Variants in LRRC7 observed in about 807,000 individuals in gnomAD.
LRRC7 encodes the protein leucine-rich repeat-containing protein 7.
LRRC7 carries 23 observed loss-of-function variants against 175.7 expected under a neutral mutation model. The ratio of observed to expected loss-of-function variants is 0.13; its 90% CI spans 0.09 to 0.19. The LOEUF is 0.19. Among genes scored for constraint, LRRC7 ranks in the 10% least tolerant of loss-of-function variants. The probability of loss-of-function intolerance (pLI) is 1.00; values close to 1 mark genes in which losing one functional copy is unlikely to be tolerated. For missense variants in LRRC7, 1,354 were observed against 1,904.7 expected (o/e 0.71, Z 5.38); for synonymous variants, 685 against 680.9 (o/e 1.01, Z -0.09).
At position 69,760,237 on chromosome 1, in the gene LRRC7, G is replaced by A. The variant is rs1287913483; in HGVS notation, c.147G>A (p.Leu49=). 6.2e-7 allele frequency: 1 copy of A among 1,612,742 alleles called. No homozygotes were observed. Among genetic ancestry groups the A allele is most frequent in the Admixed American group, 1.7e-5 (1 of 59,802 alleles). ...CCAAACGGAAAATCATCGGCCGTCT[G>A]GTGCCATGCCGATGTTTCCGAGGTG... is the stretch of plus-strand genomic sequence containing the variant. ...MTTKRKIIGR[L]VPCRCFRGEE... is the part of the protein sequence containing the mutation. The change falls in exon 3 of 27, where the codon CTG becomes CTA. Residue 49 remains leucine, a synonymous_variant. Transcript: ENST00000651989.
At position 69,845,881 on chromosome 1, in the gene LRRC7, C is replaced by T. The variant is rs140599065; in HGVS notation, c.647+7598C>T. Among the ~76,000 whole-genome samples the T allele has an allele frequency of 3.6e-3, 541 of 152,128 alleles. 3 individuals carry two copies. Among genetic ancestry groups the T allele is most frequent in the African/African-American group, 0.012 (484 of 41,538 alleles). ...GTGATTGTGTAATCATATTACCTTA[C>T]GCTTTTACCAATTTATATCAATTTA... On this transcript the variant is annotated intron_variant, in intron 7 of 26. Transcript: ENST00000651989.
chr1:69,827,399 C>A (rs1680042212), intron 5 of LRRC7, among the ~76,000 whole-genome samples: 1 of 152,026 alleles, frequency 6.6e-6, no homozygotes, highest in African/African-American at 2.4e-5. Flanking sequence ...ATATGTATAA[C>A]TTTTTAAAAG....
chr1:70,074,102 T>G (rs1350345788), intron 23 of LRRC7, among the ~76,000 whole-genome samples: 1 of 151,584 alleles, frequency 6.6e-6, no homozygotes. Context: ...CTTGGGAGGC[T>G]GAGGCAGGAG....
intron 2 of LRRC7, among the ~76,000 whole-genome samples, chr1:69,713,429 A>C (rs1170033005): frequency 6.6e-6 from 1 of 152,080 alleles, no homozygotes; most frequent in Admixed American, 6.6e-5. Context: ...TGGGAGGTCA[A>C]GGCCACCAGT....
intron 10 of LRRC7, among the ~76,000 whole-genome samples, chr1:69,989,633 A>G (rs536215004): frequency 2.1e-4 from 32 of 152,264 alleles, no homozygotes; most frequent in Non-Finnish European, 4.0e-4. Context: ...GCATTCTAAA[A>G]ATGAAAAAGC....
At chr1:69,756,975 G>A (rs1377162627) in intron 2 of LRRC7, among the ~76,000 whole-genome samples, 1 of 151,916 alleles carries the variant, frequency 6.6e-6, no homozygotes, top group Non-Finnish European at 1.5e-5. Context: ...TAGAAATTCA[G>A]GGGGAAAAAC....
intron 1 of LRRC7, among the ~76,000 whole-genome samples, chr1:69,599,417 G>T (rs897169152): frequency 2.0e-5 from 3 of 152,042 alleles, no homozygotes; most frequent in Admixed American, 6.6e-5. Context: ...TTTATAACAG[G>T]GGACTAGATA....
chr1:69,997,330 A>G (rs549757472), intron 11 of LRRC7, among the ~76,000 whole-genome samples: 1 of 152,078 alleles, frequency 6.6e-6, no homozygotes, highest in East Asian at 1.9e-4. Flanking sequence ...TAGATATACA[A>G]TCATGTCATC....
chr1:69,784,196 A>T (rs193085825), intron 3 of LRRC7, among the ~76,000 whole-genome samples: 1 of 152,160 alleles, frequency 6.6e-6, no homozygotes, highest in Non-Finnish European at 1.5e-5. Context: ...CAAACAATAT[A>T]TAATTTTAAG....
intron 7 of LRRC7, among the ~76,000 whole-genome samples, chr1:69,901,598 A>G (rs1646136313): frequency 6.6e-6 from 1 of 152,140 alleles, no homozygotes; most frequent in African/African-American, 2.4e-5. Context: ...TAGGGAAATA[A>G]TTGTCTGAAC....
chr1:69,902,381 G>A (rs934484448), intron 7 of LRRC7, among the ~76,000 whole-genome samples: 9 of 152,080 alleles, frequency 5.9e-5, no homozygotes, highest in African/African-American at 2.2e-4. Flanking sequence ...ACCAGCCTGG[G>A]CAACGTGGTA....
chr1:69,775,577 G>T (rs1331845836), intron 3 of LRRC7, among the ~76,000 whole-genome samples: 1 of 152,170 alleles, frequency 6.6e-6, no homozygotes, highest in East Asian at 1.9e-4. Context: ...AGCTGACCTT[G>T]CATAGAACTG....
At chr1:69,756,787 G>T (rs1670480002) in intron 2 of LRRC7, among the ~76,000 whole-genome samples, 2 of 151,816 alleles carry the variant, frequency 1.3e-5, no homozygotes, top group African/African-American at 4.8e-5. Flanking sequence ...AAGAAAATAG[G>T]AAATATAACA....
chr1:69,831,281 C>G (rs1490719738), intron 5 of LRRC7, among the ~76,000 whole-genome samples: 3 of 151,922 alleles, frequency 2.0e-5, no homozygotes, highest in Non-Finnish European at 4.4e-5. Flanking sequence ...TTTTGAATTA[C>G]AAGACATCAA....
At chr1:69,824,223 G>C (rs1487449596) in intron 4 of LRRC7, among the ~76,000 whole-genome samples, 1 of 152,122 alleles carries the variant, frequency 6.6e-6, no homozygotes, top group African/African-American at 2.4e-5. Flanking sequence ...GCCCAGATTG[G>C]AGAGTGAACA....
At chr1:69,596,968 C>T (rs558280936) in intron 1 of LRRC7, among the ~76,000 whole-genome samples, 92 of 152,232 alleles carry the variant, frequency 6.0e-4, no homozygotes, top group Middle Eastern at 6.8e-3. Context: ...TGGTGAGGCA[C>T]GCAGAGAATG....
At chr1:69,769,392 A>T (rs192886765) in intron 3 of LRRC7, among the ~76,000 whole-genome samples, 20 of 152,174 alleles carry the variant, frequency 1.3e-4, no homozygotes, top group African/African-American at 4.6e-4. Flanking sequence ...GAAATCTGAA[A>T]TGCTCCAAAA....
Position 69,852,866 on chromosome 1 carries a change from T to C in LRRC7, c.647+14583T>C, listed in dbSNP as rs777358194. Among the ~76,000 whole-genome samples the C allele has an allele frequency of 1.3e-3, 197 of 152,288 alleles. 1 individual carries two copies. Among genetic ancestry groups the C allele is most frequent in the Non-Finnish European group, 2.5e-3 (168 of 68,030 alleles). On this transcript the variant is annotated intron_variant, in intron 7 of 26. Coordinates refer to ENST00000651989, the MANE Select transcript of LRRC7 (RefSeq NM_001370785.2). ...TCTAAAGAAAGAAATGATGAAGAAG[T>C]TACAGTGTATTGTAAGGCAATATGG... is the stretch of plus-strand genomic sequence containing the variant.
In LRRC7 at chr1:70,134,289, CG is replaced by C. The variant is rs1553209738; in HGVS notation, c.*12404del. Among the ~76,000 whole-genome samples the C allele has an allele frequency of 6.6e-6, 1 of 152,222 alleles. No individual in the cohort carries two copies. Among genetic ancestry groups the C allele is most frequent in the Non-Finnish European group, 1.5e-5 (1 of 68,034 alleles). ...GGTGCTGAAGGCAGAGAACCCCTGG[CG>C]GCCTTGGTGACATGTGTCCTCAAGC... On this transcript the variant is annotated 3_prime_UTR_variant, in exon 27 of 27. Transcript: ENST00000651989.
Sources: allele counts gnomAD v4.1 joint callset (sites outside exome capture counted in the v4.1 genomes callset), GRCh38; gene constraint gnomAD v4.1.1; transcripts MANE v1.5; gene names NCBI Gene and HGNC (gene_info 2026-07-23, HGNC 2026-07-21).